The following TMEM132D variants were observed in gnomAD, a reference collection of about 807,000 sequenced individuals.
TMEM132D encodes the protein mature OL transmembrane protein.
TMEM132D carries 21 observed loss-of-function variants against 62.3 expected under a neutral mutation model. That is an observed-to-expected ratio of 0.34 (90% CI 0.24 to 0.49). The LOEUF is 0.49. TMEM132D is among the 20% of genes least tolerant of loss of function. The pLI is 0.99. For synonymous variants in TMEM132D, 621 were observed against 575.6 expected (o/e 1.08, Z -1.13); for missense variants, 1,346 against 1,402.8 (o/e 0.96, Z 0.65).
rs35152074 is a variant in TMEM132D at position 129,241,150 on chromosome 12, C to CAA, written c.1300-31489_1300-31488dup. ...TTACCATGCTTCAGCCCTCTTACCT[C>CAA]AAAAAAAAAAAAAAAAAAAAGGAAA... On this transcript the variant is annotated intron_variant, in intron 4 of 8. Coordinates refer to ENST00000422113, the MANE Select transcript of TMEM132D (RefSeq NM_133448.3). 6.1e-3 allele frequency among the ~76,000 whole-genome samples: 582 copies of CAA among 95,576 alleles called. 8 individuals are homozygous for CAA. The highest frequency in any genetic ancestry group is 0.02 in the African/African-American group (528 of 26,446). The allele number at this position is 95,576 out of a possible 152,430, so 62.7% of individuals were successfully genotyped here.
chr12:129,189,224 G>A (rs562969224), intron 5 of TMEM132D, among the ~76,000 whole-genome samples: 156 of 152,258 alleles, frequency 1.0e-3, no homozygotes, highest in Non-Finnish European at 1.9e-3. Flanking sequence ...TTTGGAGGTA[G>A]CTAAACCACC....
In TMEM132D at chr12:129,141,999, TTAAATATATATA is replaced by T. The variant is rs1037895153; in HGVS notation, c.1444-57309_1444-57298del. Among the ~76,000 whole-genome samples the T allele has an allele frequency of 1.4e-3, 208 of 148,046 alleles. 1 individual carries two copies. Among genetic ancestry groups the T allele is most frequent in the African/African-American group, 4.8e-3 (196 of 40,866 alleles). On this transcript the variant is annotated intron_variant, in intron 5 of 8. Transcript: ENST00000422113. ...AAGTATTAGATAATATATAACAATA[TTAAATATATATA>T]TAAATATATATATTTTTAAAAAATA...
intron 2 of TMEM132D, among the ~76,000 whole-genome samples, chr12:129,626,882 G>A (rs1275860616): frequency 6.6e-6 from 1 of 152,078 alleles, no homozygotes; most frequent in African/African-American, 2.4e-5. Context: ...AGTATCCATG[G>A]CCCCAAAGTC....
chr12:129,319,282 C>T (rs1868602464), intron 4 of TMEM132D, among the ~76,000 whole-genome samples: 1 of 152,218 alleles, frequency 6.6e-6, no homozygotes, highest in Non-Finnish European at 1.5e-5. Context: ...GGCCTTTCTG[C>T]TGCTTCCTCT....
At chr12:129,544,925 G>A (rs1018045719) in intron 2 of TMEM132D, among the ~76,000 whole-genome samples, 4 of 152,132 alleles carry the variant, frequency 2.6e-5, no homozygotes, top group African/African-American at 4.8e-5. Context: ...TCACAACACC[G>A]CACCAGCGAC....
chr12:129,516,523 T>A (rs1018563064), intron 3 of TMEM132D, among the ~76,000 whole-genome samples: 29 of 152,270 alleles, frequency 1.9e-4, no homozygotes, highest in South Asian at 1.0e-3. Flanking sequence ...TGAAAGGGGC[T>A]TCCCCTTATA....
At position 129,765,885 on chromosome 12, in the gene TMEM132D, G is replaced by A. The variant is rs544439581; in HGVS notation, c.80-65187C>T. Among the ~76,000 whole-genome samples the A allele has an allele frequency of 1.1e-4, 16 of 152,214 alleles. 1 individual carries two copies. The highest frequency in any genetic ancestry group is 1.4e-4 in the African/African-American group (6 of 41,544). On this transcript the variant is annotated intron_variant, in intron 1 of 8. Coordinates refer to ENST00000422113, the MANE Select transcript of TMEM132D (RefSeq NM_133448.3). Reference sequence around the variant, plus strand: ...TAACATGGCCGATGAGCTGTGAAGCGGCACGTGCTAGGAAGGGCTCTGCAG... The same window carrying A: ...TAACATGGCCGATGAGCTGTGAAGCAGCACGTGCTAGGAAGGGCTCTGCAG...
intron 6 of TMEM132D, among the ~76,000 whole-genome samples, chr12:129,083,033 G>C (rs1435772456): frequency 2.0e-5 from 3 of 152,180 alleles, no homozygotes; most frequent in Non-Finnish European, 4.4e-5. Context: ...CCAGCATGTT[G>C]TTCTTTTAAA....
Position 129,689,835 on chromosome 12 carries a change from G to A in TMEM132D, c.968+9975C>T, listed in dbSNP as rs572579021. On this transcript the variant is annotated intron_variant, in intron 2 of 8. Coordinates refer to ENST00000422113, the MANE Select transcript of TMEM132D (RefSeq NM_133448.3). ...TCAGCTCTGATGTGTACATGGCTTG[G>A]AAGTCATCACAATTATTCTTACAAG... Among the ~76,000 whole-genome samples, 93 of 152,258 alleles carry A rather than the reference G, an allele frequency of 6.1e-4. 1 individual carries two copies. Among genetic ancestry groups the A allele is most frequent in the African/African-American group, 2.2e-3 (91 of 41,538 alleles).
chr12:129,902,392 G>C (rs576295426), intron 1 of TMEM132D, among the ~76,000 whole-genome samples: 6 of 152,296 alleles, frequency 3.9e-5, no homozygotes, highest in Non-Finnish European at 5.9e-5. Context: ...ACGGGTGGGG[G>C]AACCACACAC....
chr12:129,576,528 A>C (rs916782299), intron 2 of TMEM132D, among the ~76,000 whole-genome samples: 2 of 151,862 alleles, frequency 1.3e-5, no homozygotes, highest in Non-Finnish European at 2.9e-5. Context: ...ATATGTGTAC[A>C]TATATCTGTT....
intron 4 of TMEM132D, among the ~76,000 whole-genome samples, chr12:129,323,913 T>TTTA (rs763916888): frequency 5.1e-4 from 1 of 1,980 alleles, no homozygotes; most frequent in Admixed American, 0.036. Flanking sequence ...GTAGGTTTTA[T>TTTA]TTTTTTTTTT....
intron 5 of TMEM132D, among the ~76,000 whole-genome samples, chr12:129,187,896 C>A (rs1878262385): frequency 6.6e-6 from 1 of 152,238 alleles, no homozygotes; most frequent in Non-Finnish European, 1.5e-5. Flanking sequence ...TCACCCTATC[C>A]TGTATTATTA....
chr12:129,097,506 G>T (rs1875153779), intron 5 of TMEM132D, among the ~76,000 whole-genome samples: 1 of 152,172 alleles, frequency 6.6e-6, no homozygotes, highest in African/African-American at 2.4e-5. Context: ...TCAAAGAGAT[G>T]ACTAAAATTT....
chr12:129,669,182 C>T (rs1184849002), intron 2 of TMEM132D, among the ~76,000 whole-genome samples: 1 of 152,058 alleles, frequency 6.6e-6, no homozygotes, highest in Non-Finnish European at 1.5e-5. Context: ...AATAATCAGG[C>T]CAAGTACAGT....
intron 5 of TMEM132D, among the ~76,000 whole-genome samples, chr12:129,183,396 C>T (rs975723817): frequency 2.6e-5 from 4 of 152,186 alleles, no homozygotes; most frequent in East Asian, 1.9e-4. Context: ...TCTCTGTGGC[C>T]GAAAGCCATT....
intron 1 of TMEM132D, among the ~76,000 whole-genome samples, chr12:129,739,632 A>G (rs887384759): frequency 3.9e-5 from 6 of 152,188 alleles, no homozygotes; most frequent in African/African-American, 1.4e-4. Flanking sequence ...TGCACTTGGT[A>G]AATGCATCCC....
At position 129,371,714 on chromosome 12, in the gene TMEM132D, G is replaced by A. The variant is rs1329856776; in HGVS notation, c.1116-33897C>T. Among the ~76,000 whole-genome samples the A allele has an allele frequency of 6.6e-6, 1 of 152,064 alleles. No homozygotes were observed. The highest frequency in any genetic ancestry group is 2.4e-5 in the African/African-American group (1 of 41,380). On this transcript the variant is annotated intron_variant, in intron 3 of 8. Coordinates refer to ENST00000422113, the MANE Select transcript of TMEM132D (RefSeq NM_133448.3). The surrounding 1 kb of genome is among the most constrained non-coding windows in gnomAD (Gnocchi z 4.3). ...ATGATGATGTGATGATAGTGATGGTGATGATGATGGGGTGTTTAGAACTGG... is the reference window on the plus strand; with the variant it reads ...ATGATGATGTGATGATAGTGATGGTAATGATGATGGGGTGTTTAGAACTGG...
intron 2 of TMEM132D, among the ~76,000 whole-genome samples, chr12:129,577,898 T>C (rs1340576559): frequency 6.6e-6 from 1 of 152,232 alleles, no homozygotes; most frequent in Admixed American, 6.5e-5. Flanking sequence ...ACATTAATTC[T>C]GGATGTGTCT....
Sources: gnomAD v4.1 joint callset for allele counts (sites outside exome capture counted in the v4.1 genomes callset) on GRCh38, gnomAD v4.1.1 for gene constraint, Gnocchi (gnomAD v3.1) non-coding constraint, MANE v1.5 for transcripts, NCBI Gene and HGNC (gene_info 2026-07-23, HGNC 2026-07-21) for gene names.